Variants in SLC25A42 observed in about 807,000 individuals in gnomAD.
The protein encoded by SLC25A42 is solute carrier family 25 member 42.
SLC25A42 carries 19 observed loss-of-function variants against 34.7 expected under a neutral mutation model. The ratio of observed to expected loss-of-function variants is 0.55; its 90% CI spans 0.38 to 0.80. The LOEUF is 0.80. Among genes scored for constraint, SLC25A42 ranks in the 30% least tolerant of loss-of-function variants. SLC25A42 has a pLI of 0.00. For synonymous variants in SLC25A42, 205 were observed against 191.2 expected (o/e 1.07, Z -0.59); for missense variants, 364 against 441.3 (o/e 0.82, Z 1.57).
intron 3 of SLC25A42, among the ~76,000 whole-genome samples, chr19:19,103,214 C>G (rs1244666030): frequency 6.6e-6 from 1 of 152,134 alleles, no homozygotes; most frequent in Non-Finnish European, 1.5e-5. Flanking sequence ...CTGCCTTAGC[C>G]TCCCGAGTAG....
At chr19:19,096,254 T>TGGGCCCCC in intron 2 of SLC25A42, 49 bp downstream of exon 2, 6 of 1,456,564 alleles carry the variant, frequency 4.1e-6, no homozygotes, top group Admixed American at 1.8e-5. Flanking sequence ...GGCCCCAGCC[T>TGGGCCCCC]CCCCACCCCC....
chr19:19,111,048 G>A lies in SLC25A42; in HGVS notation c.*172G>A, dbSNP rs1195071926. On this transcript the variant is annotated 3_prime_UTR_variant, in exon 8 of 8. Coordinates refer to ENST00000318596, the MANE Select transcript of SLC25A42 (RefSeq NM_178526.5). ...CTCAGAGTCCACGTCCAAACGCAAA[G>A]CTGGCAGCCCTGGAAGTGCAGTGTT... is the stretch of plus-strand genomic sequence containing the variant. 3.0e-5 allele frequency: 21 copies of A among 698,868 alleles called. No individual in the cohort carries two copies. Among genetic ancestry groups the A allele is most frequent in the Middle Eastern group, 4.0e-4 (1 of 2,494 alleles). 43.3% of individuals were successfully genotyped at this position (698,868 alleles called of 1,614,324 possible). A position where few individuals can be genotyped will look rare whatever the true frequency, so the allele number is the denominator to read the frequency against.
At chr19:19,091,027 TGACAAAA>T (rs1806251143) in intron 1 of SLC25A42, among the ~76,000 whole-genome samples, 1 of 152,224 alleles carries the variant, frequency 6.6e-6, no homozygotes, top group African/African-American at 2.4e-5. Flanking sequence ...CTTTCTGCTG[TGACAAAA>T]GACAAAAGCG....
chr19:19,067,058 T>TA (rs1396082023), intron 1 of SLC25A42, among the ~76,000 whole-genome samples: 1 of 148,334 alleles, frequency 6.7e-6, no homozygotes, highest in Admixed American at 6.7e-5. Flanking sequence ...TAAAAGGGCA[T>TA]ATTCCTCCTC....
Position 19,110,982 on chromosome 19 carries a change from G to C in SLC25A42, c.*106G>C. The C allele has an allele frequency of 7.7e-7, 1 of 1,301,170 alleles. No homozygotes were observed. Among genetic ancestry groups the C allele is most frequent in the Non-Finnish European group, 1.1e-6 (1 of 940,176 alleles). 80.6% of individuals were successfully genotyped at this position (1,301,170 alleles called of 1,614,324 possible). Reference sequence around the variant, plus strand: ...TGATTCTACTTCAGGAGGCACATGGGGCGCTTTATGGAACGAGCAGGTGGG... The same window carrying C: ...TGATTCTACTTCAGGAGGCACATGGCGCGCTTTATGGAACGAGCAGGTGGG... On this transcript the variant is annotated 3_prime_UTR_variant, in exon 8 of 8. Transcript: ENST00000318596.
At chr19:19,069,133 C>T (rs2059617086) in intron 1 of SLC25A42, among the ~76,000 whole-genome samples, 1 of 152,138 alleles carries the variant, frequency 6.6e-6, no homozygotes, top group Admixed American at 6.5e-5. Flanking sequence ...CCCTGGAGGC[C>T]CCACCCTGTT....
intron 1 of SLC25A42, among the ~76,000 whole-genome samples, chr19:19,065,539 T>C (rs1370456656): frequency 6.6e-6 from 1 of 152,174 alleles, no homozygotes; most frequent in Non-Finnish European, 1.5e-5. Context: ...CCATTTCCTG[T>C]AAGGCTCCTG....
chr19:19,102,813 T>C lies in SLC25A42; in HGVS notation c.187+927T>C, dbSNP rs1367307822. On this transcript the variant is annotated intron_variant, in intron 3 of 7. Coordinates refer to ENST00000318596, the MANE Select transcript of SLC25A42 (RefSeq NM_178526.5). ...CCACTTCGAATCTGTACGAGTTTCCTGGGGCTGCTGTCAGAAAGCACCACA... is the reference window on the plus strand; with the variant it reads ...CCACTTCGAATCTGTACGAGTTTCCCGGGGCTGCTGTCAGAAAGCACCACA... 2.6e-5 allele frequency among the ~76,000 whole-genome samples: 4 copies of C among 152,240 alleles called. No homozygotes were observed. In the East Asian group the frequency reaches 7.7e-4, roughly 29 times the overall value.
At chr19:19,097,508 C>G (rs1270586035) in intron 2 of SLC25A42, among the ~76,000 whole-genome samples, 1 of 152,232 alleles carries the variant, frequency 6.6e-6, no homozygotes, top group African/African-American at 2.4e-5. Context: ...GGCTGCTGAA[C>G]CACACGCAGA....
intron 1 of SLC25A42, among the ~76,000 whole-genome samples, chr19:19,077,086 A>C (rs1312765834): frequency 2.0e-5 from 3 of 152,156 alleles, no homozygotes; most frequent in Admixed American, 1.3e-4. Context: ...CAGGAGGCTG[A>C]GGTAGGAGGA....
chr19:19,105,002 A>G, intron 4 of SLC25A42, 64 bp downstream of exon 4: 1 of 1,594,398 alleles, frequency 6.3e-7, no homozygotes, highest in Non-Finnish European at 8.6e-7. Context: ...GGCTGGCAGG[A>G]GTTAGGCAGG....
chr19:19,074,719 G>A (rs1029979178), intron 1 of SLC25A42, among the ~76,000 whole-genome samples: 3 of 151,772 alleles, frequency 2.0e-5, no homozygotes, highest in South Asian at 2.1e-4. Context: ...GTGTGCGTGC[G>A]TGTATGTGTG....
At chr19:19,087,474 G>T (rs757556738) in intron 1 of SLC25A42, among the ~76,000 whole-genome samples, 1 of 152,132 alleles carries the variant, frequency 6.6e-6, no homozygotes, top group African/African-American at 2.4e-5. Context: ...TTTTAGTAGA[G>T]ACGGGGTTTC....
In SLC25A42 at chr19:19,105,612, T is replaced by A; in HGVS notation, c.265T>A (p.Leu89Met). The A allele has an allele frequency of 6.2e-7, 1 of 1,614,034 alleles. No homozygotes were observed. Among genetic ancestry groups the A allele is most frequent in the East Asian group, 2.2e-5 (1 of 44,884 alleles). The part of the protein sequence containing the change: ...YTYLNEGFLS[L>M]WRGNSATMVR... The stretch of plus-strand genomic sequence containing the variant: ...CTACCTCAACGAGGGATTTCTCAGC[T>A]TGTGGCGCGGGAACTCGGCCACCAT... The change falls in exon 5 of 8, where the codon TTG becomes ATG. Residue 89 changes from leucine to methionine, a missense_variant. Physicochemically the swap from Leu to Met is conservative, Grantham distance 15. Transcript: ENST00000318596.
chr19:19,108,452 G>A (rs540092116), intron 7 of SLC25A42, among the ~76,000 whole-genome samples: 3 of 152,194 alleles, frequency 2.0e-5, no homozygotes, highest in South Asian at 2.1e-4. Context: ...GAGAGGCTGC[G>A]GTGGGAGGAT....
chr19:19,101,634 C>T, intron 2 of SLC25A42, 147 bp from the exon 3 acceptor site: 1 of 658,810 alleles, frequency 1.5e-6, no homozygotes, highest in African/African-American at 1.9e-5. Flanking sequence ...CCACAGATCA[C>T]CCAGAACCAA....
At chr19:19,082,159 C>T (rs184641607) in intron 1 of SLC25A42, among the ~76,000 whole-genome samples, 18 of 152,258 alleles carry the variant, frequency 1.2e-4, no homozygotes, top group African/African-American at 3.6e-4. Context: ...AATGTGGAGG[C>T]GTAAAGCAAC....
At chr19:19,106,415 G>A (rs2059828601) in intron 6 of SLC25A42, 30 bp downstream of exon 6, 1 of 1,560,008 alleles carries the variant, frequency 6.4e-7, no homozygotes, top group Non-Finnish European at 8.8e-7. Flanking sequence ...ATGCGCATCA[G>A]CCCCGGGGGC....
intron 1 of SLC25A42, among the ~76,000 whole-genome samples, chr19:19,088,158 G>A (rs1415919354): frequency 3.3e-5 from 5 of 151,646 alleles, no homozygotes; most frequent in East Asian, 3.9e-4. Context: ...TCTAAGGAAC[G>A]GTTCCAGACC....
Sources: gnomAD v4.1 joint callset for allele counts (sites outside exome capture counted in the v4.1 genomes callset) on GRCh38, gnomAD v4.1.1 for gene constraint, MANE v1.5 for transcripts, NCBI Gene and HGNC (gene_info 2026-07-23, HGNC 2026-07-21) for gene names.